The following REPIN1 variants were observed in gnomAD, a reference collection of about 807,000 sequenced individuals.
The protein encoded by REPIN1 is DNA-binding protein REPIN1.
REPIN1 carries 4 observed loss-of-function variants against 5.7 expected under a neutral mutation model. That is an observed-to-expected ratio of 0.71 (90% CI 0.35 to 1.62). The LOEUF is 1.62. Among genes scored for constraint, REPIN1 ranks in the 40% most tolerant of loss-of-function variants. The probability of loss-of-function intolerance (pLI) is 0.05; values close to 1 mark genes in which losing one functional copy is unlikely to be tolerated. For missense variants in REPIN1, 854 were observed against 901.0 expected, an observed-to-expected ratio of 0.95 and a Z score of 0.67; for synonymous variants, 410 against 386.2, an observed-to-expected ratio of 1.06 and a Z score of -0.72.
Position 150,371,915 on chromosome 7 carries a change from C to T in REPIN1, c.845C>T (p.Pro282Leu). 1.2e-6 allele frequency: 2 copies of T among 1,608,456 alleles called. No individual in the cohort carries two copies. The highest frequency in any genetic ancestry group is 1.7e-6 in the Non-Finnish European group (2 of 1,178,842). Reference sequence around the variant, plus strand: ...AGGGGCCGCCCCGCGGTGACCGCCCCCCGGCCCGGTGGAGATGCCGTCGAC... The same window carrying T: ...AGGGGCCGCCCCGCGGTGACCGCCCTCCGGCCCGGTGGAGATGCCGTCGAC... ...RPRGRPAVTA[P>L]RPGGDAVDRP... The change falls in exon 3 of 3, where the codon CCC becomes CTC. Residue 282 changes from proline (P) to leucine (L), a missense_variant. Pro to Leu is a moderately conservative substitution (Grantham distance 98). Coordinates refer to ENST00000489432, the MANE Select transcript of REPIN1 (RefSeq NM_001099695.2).
At position 150,372,541 on chromosome 7, in the gene REPIN1, G is replaced by C. The variant is rs748466243; in HGVS notation, c.1471G>C (p.Glu491Gln). The C allele has an allele frequency of 8.9e-6, 14 of 1,564,756 alleles. No homozygotes were observed. Among genetic ancestry groups the C allele is most frequent in the African/African-American group, 2.8e-5 (2 of 72,486 alleles). ...CTCCGGCGAGCGGCCCTTCGCCTGC[G>C]AGGAGTGCGGCCGCCGCTTCTCCCA... ...VHSGERPFAC[E>Q]ECGRRFSQGS... The change falls in exon 3 of 3, where the codon GAG (glutamate) becomes CAG (glutamine). Residue 491 changes from glutamate to glutamine, a missense_variant. Glu to Gln is a conservative substitution (Grantham distance 29). Coordinates refer to ENST00000489432, the MANE Select transcript of REPIN1 (RefSeq NM_001099695.2).
chr7:150,369,388 A>T, intron 1 of REPIN1: 1 of 433,288 alleles, frequency 2.3e-6, no homozygotes, highest in Middle Eastern at 6.6e-4. Context: ...GCCTTTGGCC[A>T]TCAGGGAAAG....
In REPIN1 at chr7:150,372,318, C is replaced by G. The variant is rs1585075663; in HGVS notation, c.1248C>G (p.Ala416=). 1 of 1,334,104 alleles carries G rather than the reference C, an allele frequency of 7.5e-7. No individual in the cohort carries two copies. Among genetic ancestry groups the G allele is most frequent in the Non-Finnish European group, 9.5e-7 (1 of 1,048,766 alleles). 82.6% of individuals were successfully genotyped at this position (1,334,104 alleles called of 1,614,324 possible). A position where few individuals can be genotyped will look rare whatever the true frequency, so the allele number is the denominator to read the frequency against. The part of the protein sequence containing the change: ...LKPAQEPPPG[A]PPEHPQDPIE... The stretch of plus-strand genomic sequence containing the variant: ...CGGCCCAGGAGCCGCCGCCAGGGGC[C>G]CCGCCAGAGCACCCGCAGGACCCGA... Residue 416 remains alanine, a synonymous_variant, in exon 3 of 3, where the codon GCC becomes GCG. Coordinates refer to ENST00000489432, the MANE Select transcript of REPIN1 (RefSeq NM_001099695.2).
chr7:150,372,232 C>T lies in REPIN1; in HGVS notation c.1162C>T (p.Gln388Ter). ...AQAAPGPGSP[Q>*]LPAGPQESAA... ...GGCCGCCCCCGGCCCGGGGAGCCCC[C>T]AGCTGCCAGCCGGCCCCCAGGAGTC... The change falls in exon 3 of 3, where the codon CAG becomes TAG. Residue 388 changes from glutamine to a stop codon, truncating the protein, a stop_gained. Coordinates refer to ENST00000489432, the MANE Select transcript of REPIN1 (RefSeq NM_001099695.2). LOFTEE classifies it low-confidence loss of function (END_TRUNC). The T allele has an allele frequency of 6.4e-7, 1 of 1,555,344 alleles. No homozygotes were observed. Among genetic ancestry groups the T allele is most frequent in the African/African-American group, 1.4e-5 (1 of 73,728 alleles).
At chr7:150,368,977 CCCGCGGGGGG>C (rs947257526) in intron 1 of REPIN1, 36 bp downstream of exon 1, 7 of 377,616 alleles carry the variant, frequency 1.9e-5, no homozygotes, top group African/African-American at 6.3e-5. Flanking sequence ...CCACCGCGGG[CCCGCGGGGGG>C]CCGCTCCACC....
In REPIN1 at chr7:150,372,139, C is replaced by T; in HGVS notation, c.1069C>T (p.Arg357Cys). ...KPYPCKECGRRFRHKPNLLSH... is the reference protein window; with the variant it reads ...KPYPCKECGRCFRHKPNLLSH... ...CTACCCGTGCAAAGAGTGCGGCCGC[C>T]GCTTCCGGCACAAACCCAACCTGCT... The change falls in exon 3 of 3, where the codon CGC (arginine) becomes TGC (cysteine). Residue 357 changes from arginine (R) to cysteine (C), a missense_variant. Arg to Cys is a radical substitution (Grantham distance 180). Transcript: ENST00000489432. 2 of 1,611,636 alleles carry T rather than the reference C, an allele frequency of 1.2e-6. No individual in the cohort carries two copies. The highest frequency in any genetic ancestry group is 8.5e-7 in the Non-Finnish European group (1 of 1,179,396).
chr7:150,373,127 C>A lies in REPIN1; in HGVS notation c.*182C>A. ...AGCGAGAGAGGTCAACCCCGGTGGC[C>A]AGGGAACCCACTTCCAAGCGCAGGG... On this transcript the variant is annotated 3_prime_UTR_variant, in exon 3 of 3. Transcript: ENST00000489432. 1 of 877,080 alleles carries A rather than the reference C, an allele frequency of 1.1e-6. No homozygotes were observed. Among genetic ancestry groups the A allele is most frequent in the South Asian group, 1.8e-5 (1 of 55,496 alleles). The allele number at this position is 877,080 out of a possible 1,614,324, so 54.3% of individuals were successfully genotyped here. A position where few individuals can be genotyped will look rare whatever the true frequency, so the allele number is the denominator to read the frequency against.
rs1346298399 is a variant in REPIN1 at position 150,369,729 on chromosome 7, T to C, written c.18T>C (p.Ser6=). Residue 6 remains serine (S), a synonymous_variant, in exon 2 of 3, where the codon TCT becomes TCC. Coordinates refer to ENST00000489432, the MANE Select transcript of REPIN1 (RefSeq NM_001099695.2). The part of the protein sequence containing the change: MGIGV[S]LLLQFSLTPG... ...GCTCTGCCATGGGGATAGGGGTGTC[T>C]TTATTACTGCAGTTTTCTCTAACAC... The C allele has an allele frequency of 1.2e-6, 2 of 1,613,836 alleles. No individual in the cohort carries two copies. Among genetic ancestry groups the C allele is most frequent in the Non-Finnish European group, 1.7e-6 (2 of 1,179,868 alleles).
intron 2 of REPIN1, chr7:150,370,182 A>G (rs1039324757): frequency 6.5e-6 from 2 of 307,406 alleles, no homozygotes; most frequent in Admixed American, 9.1e-5. Flanking sequence ...AGAGCTGAAC[A>G]TGGGGCAGCC....
rs1217882497 is a variant in REPIN1 at position 150,372,573 on chromosome 7, C to T, written c.1503C>T (p.Ser501=). 1.2e-6 allele frequency: 2 copies of T among 1,600,446 alleles called. No individual in the cohort carries two copies. Among genetic ancestry groups the T allele is most frequent in the Admixed American group, 1.7e-5 (1 of 59,408 alleles). ...EECGRRFSQG[S]HLAAHRRDHA... ...GCGGCCGCCGCTTCTCCCAGGGCAG[C>T]CATCTGGCGGCGCATCGGCGCGACC... The change falls in exon 3 of 3, where the codon AGC becomes AGT. Residue 501 remains serine (S), a synonymous_variant. Coordinates refer to ENST00000489432, the MANE Select transcript of REPIN1 (RefSeq NM_001099695.2).
rs182100722 is a variant in REPIN1, at chr7:150,372,425, G to C, written c.1355G>C (p.Arg452Pro). 4.0e-6 allele frequency: 6 copies of C among 1,502,196 alleles called. No individual in the cohort carries two copies. Among genetic ancestry groups the C allele is most frequent in the Non-Finnish European group, 5.3e-6 (6 of 1,133,632 alleles). The allele number at this position is 1,502,196 out of a possible 1,614,324, so 93.1% of individuals were successfully genotyped here. Residue 452 changes from arginine (R) to proline (P), a missense_variant, in exon 3 of 3, where the codon CGG becomes CCG. Arg to Pro is a moderately radical substitution (Grantham distance 103, BLOSUM62 -2). Transcript: ENST00000489432. The stretch of plus-strand genomic sequence containing the variant: ...GAGCGCTTCCTGCGGGCCCACCAGC[G>C]GCAGCACACCGGGGAGCGGCCCTTC... ...RLERFLRAHQRQHTGERPFTC... is the reference protein window; with the variant it reads ...RLERFLRAHQPQHTGERPFTC...
chr7:150,368,724 C>T, upstream of REPIN1: 1 of 259,902 alleles, frequency 3.8e-6, no homozygotes, highest in Non-Finnish European at 7.1e-6. Context: ...TCCCCGCCCC[C>T]AGGCCGCGGC....
Position 150,371,811 on chromosome 7 carries a change from C to T in REPIN1, c.741C>T (p.Asp247=), listed in dbSNP as rs774756618. The change falls in exon 3 of 3, where the codon GAC becomes GAT. Residue 247 remains aspartate (D), a synonymous_variant. Coordinates refer to ENST00000489432, the MANE Select transcript of REPIN1 (RefSeq NM_001099695.2). ...GNCGRSFAQW[D]QLVAHKRVHV... ...GTGGCCGGAGCTTTGCCCAGTGGGA[C>T]CAGCTAGTTGCCCACAAGCGGGTGC... 2.4e-5 allele frequency: 39 copies of T among 1,610,074 alleles called. No individual in the cohort carries two copies. The highest frequency in any genetic ancestry group is 3.1e-5 in the Non-Finnish European group (36 of 1,179,026).
chr7:150,371,878 G>C lies in REPIN1; in HGVS notation c.808G>C (p.Gly270Arg), dbSNP rs1314592316. The change falls in exon 3 of 3, where the codon GGG (glycine) becomes CGG (arginine). Residue 270 changes from glycine (G) to arginine (R), a missense_variant. Physicochemically the swap from Gly to Arg is moderately radical, Grantham distance 125. Transcript: ENST00000489432. The stretch of plus-strand genomic sequence containing the variant: ...GGAGGAGGCCGCAGCCAAGGCTCTG[G>C]GGCCCCGGCCCAGGGGCCGCCCCGC... ...ALEEAAAKAL[G>R]PRPRGRPAVT... The C allele has an allele frequency of 3.1e-6, 5 of 1,605,786 alleles. No homozygotes were observed. The Admixed American group carries it at 8.4e-5, about 27-fold the overall frequency.
chr7:150,372,144 C>CT lies in REPIN1; in HGVS notation c.1074_1075insT (p.Arg359SerfsTer299). On this transcript the variant is annotated frameshift_variant, in exon 3 of 3. Coordinates refer to ENST00000489432, the MANE Select transcript of REPIN1 (RefSeq NM_001099695.2). LOFTEE classifies it low-confidence loss of function (END_TRUNC). ...CGTGCAAAGAGTGCGGCCGCCGCTT[C>CT]CGGCACAAACCCAACCTGCTGTCTC... 6.2e-7 allele frequency: 1 copy of CT among 1,611,872 alleles called. No homozygotes were observed. The highest frequency in any genetic ancestry group is 1.7e-4 in the Middle Eastern group (1 of 6,054).
intron 2 of REPIN1, 52 bp downstream of exon 2, chr7:150,369,920 C>G: frequency 6.5e-7 from 1 of 1,528,932 alleles, no homozygotes; most frequent in Admixed American, 2.1e-5. Flanking sequence ...CAGGGGTGCA[C>G]GGGCGTCCCC....
upstream of REPIN1, chr7:150,368,295 A>C (rs533277391): frequency 3.8e-3 from 583 of 152,298 alleles, 6 homozygotes; most frequent in African/African-American, 0.013. Flanking sequence ...ACTTTGGAAC[A>C]AATCGGAAGC....
intron 2 of REPIN1, 114 bp from the exon 3 acceptor site, chr7:150,371,114 C>A: frequency 8.3e-7 from 1 of 1,208,446 alleles, no homozygotes; most frequent in Non-Finnish European, 1.1e-6. Flanking sequence ...AGCTCCATGT[C>A]CGGGGCTCTA....
Position 150,372,316 on chromosome 7 carries a change from G to T in REPIN1, c.1246G>T (p.Ala416Ser). The T allele has an allele frequency of 7.5e-7, 1 of 1,333,810 alleles. No individual in the cohort carries two copies. The highest frequency in any genetic ancestry group is 1.8e-5 in the South Asian group (1 of 57,116). The allele number at this position is 1,333,810 out of a possible 1,614,324, so 82.6% of individuals were successfully genotyped here. Residue 416 changes from alanine to serine, a missense_variant, in exon 3 of 3, where the codon GCC becomes TCC. Transcript: ENST00000489432. ...ACCGGCCCAGGAGCCGCCGCCAGGG[G>T]CCCCGCCAGAGCACCCGCAGGACCC... ...LKPAQEPPPG[A>S]PPEHPQDPIE... is the part of the protein sequence containing the mutation.
Sources: allele counts gnomAD v4.1 joint callset, GRCh38; gene constraint gnomAD v4.1.1; transcripts MANE v1.5; gene names NCBI Gene and HGNC (gene_info 2026-07-23, HGNC 2026-07-21).